Variants in GCN1 observed in about 807,000 individuals in gnomAD.
GCN1 encodes the protein GCN1 activator of EIF2AK4, also known as stalled ribosome sensor GCN1.
GCN1 carries 90 observed loss-of-function variants against 288.4 expected under a neutral mutation model. That is an observed-to-expected ratio of 0.31 (90% CI 0.26 to 0.37). The LOEUF (loss-of-function observed/expected upper bound fraction) is 0.37, where lower values mean the gene tolerates loss of function less well. GCN1 is among the 10% of genes least tolerant of loss of function. The pLI, the probability that GCN1 is intolerant of heterozygous loss-of-function variation, is 1.00. For missense variants in GCN1, 2,586 were observed against 3,419.9 expected, an observed-to-expected ratio of 0.76 and a Z score of 6.08; for synonymous variants, 1,386 against 1,420.2, an observed-to-expected ratio of 0.98 and a Z score of 0.54.
chr12:120,149,761 A>G (rs1877480026), intron 35 of GCN1, 41 bp from the exon 36 acceptor site: 7 of 1,569,456 alleles, frequency 4.5e-6, no homozygotes, highest in Non-Finnish European at 6.1e-6. Flanking sequence ...CTCCTCACCC[A>G]AGCAAGGGGC....
chr12:120,135,753 G>C (rs1876981562), intron 51 of GCN1, among the ~76,000 whole-genome samples: 1 of 152,156 alleles, frequency 6.6e-6, no homozygotes, highest in Non-Finnish European at 1.5e-5. Context: ...TGGGTGTGCA[G>C]GCTGTGGCAG....
intron 57 of GCN1, among the ~76,000 whole-genome samples, chr12:120,128,461 G>A (rs1463560445): frequency 1.3e-5 from 2 of 151,800 alleles, no homozygotes; most frequent in African/African-American, 2.4e-5. Flanking sequence ...TCAGCTTCCC[G>A]AGTAGCTGAG....
intron 5 of GCN1, among the ~76,000 whole-genome samples, chr12:120,183,052 G>C (rs1213116499): frequency 6.6e-6 from 1 of 151,928 alleles, no homozygotes; most frequent in Non-Finnish European, 1.5e-5. Flanking sequence ...CTGGTGAGCA[G>C]ACATGGGGAA....
rs1877239368 is a variant in GCN1, at chr12:120,142,750, T to C, written c.5614-28A>G. ...GCAGCCAGTAGAAGGGGACAGAGAGTAGTGAAGCCTCTATGGCATGGGCAT... is the reference window on the plus strand; with the variant it reads ...GCAGCCAGTAGAAGGGGACAGAGAGCAGTGAAGCCTCTATGGCATGGGCAT... On this transcript the variant is annotated intron_variant, in intron 43 of 57. Coordinates refer to ENST00000300648, the MANE Select transcript of GCN1 (RefSeq NM_006836.2). This position sits in a 1 kb window ranked among gnomAD's most constrained non-coding sequence, Gnocchi z 4.9. The C allele has an allele frequency of 6.2e-7, 1 of 1,608,778 alleles. No homozygotes were observed. The highest frequency in any genetic ancestry group is 2.2e-5 in the East Asian group (1 of 44,818).
chr12:120,158,678 C>A lies in GCN1; in HGVS notation c.2750-63G>T. ...ACAGAGATGTGGAATCCAGCCCAGGCTAAAACAGGGGACCCAGTGCCTCAT... is the reference window on the plus strand; with the variant it reads ...ACAGAGATGTGGAATCCAGCCCAGGATAAAACAGGGGACCCAGTGCCTCAT... On this transcript the variant is annotated intron_variant, in intron 24 of 57. Coordinates refer to ENST00000300648, the MANE Select transcript of GCN1 (RefSeq NM_006836.2). The surrounding 1 kb of genome is among the most constrained non-coding windows in gnomAD (Gnocchi z 4.3). 2 of 1,401,732 alleles carry A rather than the reference C, an allele frequency of 1.4e-6. No individual in the cohort carries two copies. Among genetic ancestry groups the A allele is most frequent in the East Asian group, 2.4e-5 (1 of 41,550 alleles). The allele number at this position is 1,401,732 out of a possible 1,614,324, so 86.8% of individuals were successfully genotyped here. A position where few individuals can be genotyped will look rare whatever the true frequency, so the allele number is the denominator to read the frequency against.
At position 120,153,132 on chromosome 12, in the gene GCN1, C is replaced by T. The variant is rs1362900273; in HGVS notation, c.4062+81G>A. On this transcript the variant is annotated intron_variant, in intron 33 of 57. Coordinates refer to ENST00000300648, the MANE Select transcript of GCN1 (RefSeq NM_006836.2). The surrounding 1 kb of genome is among the most constrained non-coding windows in gnomAD (Gnocchi z 4.4). ...TCAGGGCCCTGATTGTCCAACTCCA[C>T]CCCTAGTATCCCACCGCCTAACCAC... 8.3e-7 allele frequency: 1 copy of T among 1,206,828 alleles called. No homozygotes were observed. Among genetic ancestry groups the T allele is most frequent in the Non-Finnish European group, 1.2e-6 (1 of 840,122 alleles). 74.8% of individuals were successfully genotyped at this position (1,206,828 alleles called of 1,614,324 possible). A position where few individuals can be genotyped will look rare whatever the true frequency, so the allele number is the denominator to read the frequency against.
chr12:120,174,048 C>T (rs755741802), intron 13 of GCN1, 23 bp downstream of exon 13: 3 of 1,403,120 alleles, frequency 2.1e-6, no homozygotes, highest in South Asian at 1.2e-5. Context: ...AGAACGCATG[C>T]TCACCATGTT....
chr12:120,142,606 A>T lies in GCN1; in HGVS notation c.5730T>A (p.Ile1910=). 2 of 1,614,038 alleles carry T rather than the reference A, an allele frequency of 1.2e-6. No individual in the cohort carries two copies. Among genetic ancestry groups the T allele is most frequent in the South Asian group, 2.2e-5 (2 of 91,086 alleles). The change falls in exon 44 of 58, where the codon ATT becomes ATA. Residue 1910 remains isoleucine, a synonymous_variant. Coordinates refer to ENST00000300648, the MANE Select transcript of GCN1 (RefSeq NM_006836.2). The surrounding 1 kb of genome is among the most constrained non-coding windows in gnomAD (Gnocchi z 4.9). ...VRQASLHVWK[I]VVSNTPRTLR... is the part of the protein sequence containing the mutation. Reference sequence around the variant, plus strand: ...AGGTGCGGGGGGTATTGGAGACAACAATCTTCCAGACATGCAGGGACGCCT... The same window carrying T: ...AGGTGCGGGGGGTATTGGAGACAACTATCTTCCAGACATGCAGGGACGCCT...
chr12:120,169,407 G>GTA (rs1878245911), intron 15 of GCN1, among the ~76,000 whole-genome samples: 2 of 147,846 alleles, frequency 1.4e-5, no homozygotes, highest in Non-Finnish European at 3.0e-5. Flanking sequence ...ATTATATATA[G>GTA]TATATATATT....
At chr12:120,186,388 G>A (rs1594290590) in intron 2 of GCN1, among the ~76,000 whole-genome samples, 2 of 151,096 alleles carry the variant, frequency 1.3e-5, no homozygotes, top group Admixed American at 6.6e-5. Flanking sequence ...AAAAAAAAAA[G>A]AGTGCTCAAT....
chr12:120,134,757 A>C lies in GCN1; in HGVS notation c.7009-31T>G. 6.3e-7 allele frequency: 1 copy of C among 1,592,252 alleles called. No individual in the cohort carries two copies. The highest frequency in any genetic ancestry group is 2.2e-5 in the East Asian group (1 of 44,780). On this transcript the variant is annotated intron_variant, in intron 51 of 57. Transcript: ENST00000300648. This position sits in a 1 kb window ranked among gnomAD's most constrained non-coding sequence, Gnocchi z 5.0. ...GGAGGAACCCACATCCATGAAAGAC[A>C]GTTGTGGTAGACCCAAAGCCACAGT...
intron 11 of GCN1, 47 bp from the exon 12 acceptor site, chr12:120,175,259 C>T (rs768052944): frequency 6.6e-7 from 1 of 1,519,788 alleles, no homozygotes; most frequent in South Asian, 1.1e-5. Flanking sequence ...TGCCACATTT[C>T]CCAAGAGAGT....
chr12:120,184,140 C>G lies in GCN1; in HGVS notation c.289G>C (p.Gly97Arg). The G allele has an allele frequency of 1.2e-6, 2 of 1,613,854 alleles. No individual in the cohort carries two copies. The highest frequency in any genetic ancestry group is 8.5e-7 in the Non-Finnish European group (1 of 1,179,832). Residue 97 changes from glycine (G) to arginine (R), a missense_variant, in exon 4 of 58, where the codon GGT (glycine) becomes CGT (arginine). By Grantham distance (125) the Gly-to-Arg change is moderately radical. This residue lies in a region of GCN1 where 913 missense variants were observed against 1,107.0 expected (regional missense o/e 0.82). Coordinates refer to ENST00000300648, the MANE Select transcript of GCN1 (RefSeq NM_006836.2). ...KNLLHSLQSSGIGSKAGVPSK... is the reference protein window; with the variant it reads ...KNLLHSLQSSRIGSKAGVPSK... ...GGAACACCTGCTTTGGAGCCTATAC[C>G]AGAAGACTGCAGAGAGTGTAGAAGG...
At chr12:120,161,759 C>T (rs1877939148) in intron 21 of GCN1, 121 bp downstream of exon 21, 5 of 1,059,906 alleles carry the variant, frequency 4.7e-6, no homozygotes, top group Non-Finnish European at 7.1e-6. Flanking sequence ...ACAACAGGCG[C>T]TTAGCCAATG....
rs1471424829 is a variant in GCN1, at chr12:120,138,706, G to C, written c.6145C>G (p.Leu2049Val). The change falls in exon 46 of 58, where the codon CTA becomes GTA. Residue 2049 changes from leucine to valine, a missense_variant. Physicochemically the swap from Leu to Val is conservative, Grantham distance 32 (BLOSUM62 1). Coordinates refer to ENST00000300648, the MANE Select transcript of GCN1 (RefSeq NM_006836.2). ...QALEDILPFL[L>V]KQLDDEEVSE... ...GTAGATCCACTCACCAGCTGCTTTA[G>C]TAAAAATGGGAGAATGTCCTCCAGA... 5 of 1,613,646 alleles carry C rather than the reference G, an allele frequency of 3.1e-6. No homozygotes were observed. Among genetic ancestry groups the C allele is most frequent in the Non-Finnish European group, 4.2e-6 (5 of 1,179,738 alleles).
chr12:120,156,497 C>G lies in GCN1; in HGVS notation c.3276G>C (p.Gln1092His). 1 of 1,614,062 alleles carries G rather than the reference C, an allele frequency of 6.2e-7. No homozygotes were observed. The highest frequency in any genetic ancestry group is 8.5e-7 in the Non-Finnish European group (1 of 1,180,004). The change falls in exon 28 of 58, where the codon CAG becomes CAC. Residue 1092 changes from glutamine to histidine, a missense_variant. Coordinates refer to ENST00000300648, the MANE Select transcript of GCN1 (RefSeq NM_006836.2). The surrounding 1 kb of genome is among the most constrained non-coding windows in gnomAD (Gnocchi z 5.8). Reference sequence around the variant, plus strand: ...TTTCCCGCACGCTGGCACACGGGGACTGCAAGGCACAGAGCAGCACGTCCA... The same window carrying G: ...TTTCCCGCACGCTGGCACACGGGGAGTGCAAGGCACAGAGCAGCACGTCCA... ...EEVDVLLCAL[Q>H]SPCASVRETV...
Position 120,153,771 on chromosome 12 carries a change from G to T in GCN1, c.3840C>A (p.Ala1280=). The T allele has an allele frequency of 6.2e-7, 1 of 1,614,138 alleles. No individual in the cohort carries two copies. Among genetic ancestry groups the T allele is most frequent in the Non-Finnish European group, 8.5e-7 (1 of 1,180,012 alleles). The change falls in exon 32 of 58, where the codon GCC becomes GCA. Residue 1280 remains alanine (A), a synonymous_variant. Coordinates refer to ENST00000300648, the MANE Select transcript of GCN1 (RefSeq NM_006836.2). This position sits in a 1 kb window ranked among gnomAD's most constrained non-coding sequence, Gnocchi z 4.4. The part of the protein sequence containing the change: ...PDVRKCMLDA[A]LATLNTHGKE... ...TCCCATGAGTGTTGAGCGTTGCGAG[G>T]GCTGCATCCAACATGCACTTCCGGA...
In GCN1 at chr12:120,148,168, C is replaced by G. The variant is rs1442695718; in HGVS notation, c.4725G>C (p.Leu1575=). 31 of 1,610,334 alleles carry G rather than the reference C, an allele frequency of 1.9e-5. No homozygotes were observed. The highest frequency in any genetic ancestry group is 2.6e-5 in the Non-Finnish European group (31 of 1,178,084). Residue 1575 remains leucine, a splice_region_variant and synonymous_variant, in exon 37 of 58, where the codon CTG becomes CTC. Coordinates refer to ENST00000300648, the MANE Select transcript of GCN1 (RefSeq NM_006836.2). ...IGSVIRNPEI[L]AIAPVLLDAL... Reference sequence around the variant, plus strand: ...AGCACCCTCACGGGAAAGGCCTACCCAGGATCTCCGGGTTCCTGATAACGG... The same window carrying G: ...AGCACCCTCACGGGAAAGGCCTACCGAGGATCTCCGGGTTCCTGATAACGG...
intron 11 of GCN1, 42 bp downstream of exon 11, chr12:120,175,704 G>A: frequency 1.3e-6 from 2 of 1,585,614 alleles, no homozygotes; most frequent in Non-Finnish European, 1.7e-6. Context: ...AATACCAGGG[G>A]CCACGCCTCA....
Sources: gnomAD v4.1 joint callset for allele counts (sites outside exome capture counted in the v4.1 genomes callset) on GRCh38, gnomAD v4.1.1 for gene constraint, gnomAD v4.1.1 regional missense constraint, Gnocchi (gnomAD v3.1) non-coding constraint, MANE v1.5 for transcripts, NCBI Gene and HGNC (gene_info 2026-07-23, HGNC 2026-07-21) for gene names.